GCH1: variants seen among roughly 807,000 people sequenced by gnomAD.
The protein encoded by GCH1 is GTP cyclohydrolase I.
GCH1 carries 5 observed loss-of-function variants against 25.9 expected under a neutral mutation model. The observed-to-expected ratio is 0.19, with a 90% CI of 0.10 to 0.41. The LOEUF (loss-of-function observed/expected upper bound fraction) is 0.41. GCH1 is among the 10% of genes least tolerant of loss of function. The pLI, the probability that GCH1 is intolerant of heterozygous loss-of-function variation, is 1.00. For synonymous variants in GCH1, 159 were observed against 129.6 expected (o/e 1.23, Z -1.54); for missense variants, 261 against 336.5 (o/e 0.78, Z 1.75).
intron 1 of GCH1, among the ~76,000 whole-genome samples, chr14:54,873,223 G>A (rs1253825690): frequency 9.2e-5 from 14 of 152,106 alleles, no homozygotes; most frequent in African/African-American, 3.4e-4. Flanking sequence ...TGAAAACTGA[G>A]CAACCTGCTC....
chr14:54,852,522 G>A (rs2039747327), intron 3 of GCH1, among the ~76,000 whole-genome samples: 1 of 152,150 alleles, frequency 6.6e-6, no homozygotes, highest in Non-Finnish European at 1.5e-5. Flanking sequence ...CACCTAACGT[G>A]TGCATCTTTG....
chr14:54,871,247 T>C (rs1421457219), intron 1 of GCH1, among the ~76,000 whole-genome samples: 1 of 152,072 alleles, frequency 6.6e-6, no homozygotes, highest in African/African-American at 2.4e-5. Context: ...GGGTCTGGAG[T>C]GGACCTCCAG....
intron 2 of GCH1, among the ~76,000 whole-genome samples, chr14:54,861,390 T>C (rs2140066717): frequency 6.6e-6 from 1 of 152,280 alleles, no homozygotes; most frequent in Admixed American, 6.5e-5. Context: ...GTTCATTGTT[T>C]ATACTATTTT....
chr14:54,888,737 A>G (rs2040387289), intron 1 of GCH1, among the ~76,000 whole-genome samples: 1 of 149,490 alleles, frequency 6.7e-6, no homozygotes, highest in Non-Finnish European at 1.5e-5. Context: ...GTTAGCCAAG[A>G]TGGTCTCGAT....
At chr14:54,867,718 G>A (rs140162675) in intron 1 of GCH1, among the ~76,000 whole-genome samples, 1 of 151,966 alleles carries the variant, frequency 6.6e-6, no homozygotes, top group Non-Finnish European at 1.5e-5. Context: ...TTCACAGGGT[G>A]TCATGAGGAT....
At chr14:54,881,577 A>C (rs2040272945) in intron 1 of GCH1, among the ~76,000 whole-genome samples, 1 of 152,230 alleles carries the variant, frequency 6.6e-6, no homozygotes, top group Non-Finnish European at 1.5e-5. Context: ...CAAAATAAGC[A>C]TGAACCCAAA....
chr14:54,867,417 G>A (rs2040003230), intron 1 of GCH1, among the ~76,000 whole-genome samples: 1 of 151,744 alleles, frequency 6.6e-6, no homozygotes, highest in African/African-American at 2.4e-5. Context: ...GTCAAACCCT[G>A]TCTCTACTGA....
intron 1 of GCH1, among the ~76,000 whole-genome samples, chr14:54,883,147 G>A (rs918840719): frequency 6.6e-6 from 1 of 151,722 alleles, no homozygotes; most frequent in Non-Finnish European, 1.5e-5. Context: ...GATGAGGCAG[G>A]TGGATCACGA....
intron 1 of GCH1, among the ~76,000 whole-genome samples, chr14:54,889,143 C>T (rs577861493): frequency 1.3e-5 from 2 of 152,154 alleles, no homozygotes; most frequent in Non-Finnish European, 2.9e-5. Context: ...TTTTGATAGG[C>T]CATCAGAGAG....
intron 1 of GCH1, among the ~76,000 whole-genome samples, chr14:54,893,263 T>G (rs2040446170): frequency 6.6e-6 from 1 of 152,214 alleles, no homozygotes; most frequent in Non-Finnish European, 1.5e-5. Context: ...GGAAACATAT[T>G]TGTTTGCATA....
chr14:54,844,731 G>GC (rs2039613963), intron 5 of GCH1, among the ~76,000 whole-genome samples: 1 of 152,190 alleles, frequency 6.6e-6, no homozygotes, highest in Non-Finnish European at 1.5e-5. Context: ...CACAACAGCT[G>GC]CAATTCTCTT....
intron 3 of GCH1, 105 bp downstream of exon 3, chr14:54,859,576 T>G: frequency 1.3e-6 from 1 of 781,064 alleles, no homozygotes; most frequent in Non-Finnish European, 2.4e-6. Flanking sequence ...ACTTCCAAGT[T>G]AGATCCATAC....
rs1008136923 is a variant in GCH1, at chr14:54,844,219, A to T, written c.627-76T>A. The T allele has an allele frequency of 3.5e-5, 32 of 921,666 alleles. No homozygotes were observed. In the African/African-American group the frequency reaches 3.9e-4, roughly 11 times the overall value. 57.1% of individuals were successfully genotyped at this position (921,666 alleles called of 1,614,324 possible). ...TTGGTTTTTAAAAGCAGGCCTAAAG[A>T]TTAAATCTCAGCTCACAGTTACCAA... On this transcript the variant is annotated intron_variant, in intron 5 of 5. Transcript: ENST00000491895.
rs139938791 is a variant in GCH1, at chr14:54,863,165, A to G, written c.453+2162T>C. Among the ~76,000 whole-genome samples the G allele has an allele frequency of 8.4e-3, 1,283 of 152,230 alleles. 22 individuals are homozygous for G. Among genetic ancestry groups the G allele is most frequent in the African/African-American group, 0.03 (1,231 of 41,512 alleles). On this transcript the variant is annotated intron_variant, in intron 2 of 5. Coordinates refer to ENST00000491895, the MANE Select transcript of GCH1 (RefSeq NM_000161.3). ...CCAGGTGCGGTGGCTCACGCCTGTA[A>G]TCCCAGCACTTTGGGAGGCCAAGGC...
intron 3 of GCH1, among the ~76,000 whole-genome samples, chr14:54,854,790 TA>T (rs1399228554): frequency 6.6e-6 from 1 of 152,224 alleles, no homozygotes; most frequent in African/African-American, 2.4e-5. Flanking sequence ...AAATAGATAC[TA>T]TTTTTTACTT....
chr14:54,856,114 ATAGGCCT>A (rs2039807679), intron 3 of GCH1, among the ~76,000 whole-genome samples: 1 of 152,212 alleles, frequency 6.6e-6, no homozygotes, highest in South Asian at 2.1e-4. Context: ...ATCCACTGGA[ATAGGCCT>A]TGCTCCTACC....
Position 54,902,700 on chromosome 14 carries a change from CG to C in GCH1, c.-38del. The C allele has an allele frequency of 7.1e-7, 1 of 1,415,556 alleles. No individual in the cohort carries two copies. The highest frequency in any genetic ancestry group is 9.2e-7 in the Non-Finnish European group (1 of 1,090,820). 87.7% of individuals were successfully genotyped at this position (1,415,556 alleles called of 1,614,324 possible). ...AGCCGCTGCCGTTCGGGAAGGACCC[CG>C]GGGCGCTTCGAGGTCTGCGGCTAAA... On this transcript the variant is annotated 5_prime_UTR_variant, in exon 1 of 6. Transcript: ENST00000491895.
intron 1 of GCH1, among the ~76,000 whole-genome samples, chr14:54,898,573 T>A (rs1439631874): frequency 6.6e-6 from 1 of 152,186 alleles, no homozygotes; most frequent in African/African-American, 2.4e-5. Flanking sequence ...ATATTTTATA[T>A]CCTTGTTCTA....
intron 1 of GCH1, among the ~76,000 whole-genome samples, chr14:54,868,570 C>T (rs777685475): frequency 6.6e-6 from 1 of 151,940 alleles, no homozygotes; most frequent in African/African-American, 2.4e-5. Flanking sequence ...AGTATTGTAC[C>T]AATATTACTT....
Sources: gnomAD v4.1 joint callset for allele counts (sites outside exome capture counted in the v4.1 genomes callset) on GRCh38, gnomAD v4.1.1 for gene constraint, MANE v1.5 for transcripts, NCBI Gene and HGNC (gene_info 2026-07-23, HGNC 2026-07-21) for gene names.